NEB: variants seen among roughly 807,000 people sequenced by gnomAD.
NEB encodes the protein nebulin.
NEB carries 512 observed loss-of-function variants against 952.2 expected under a neutral mutation model. The observed-to-expected ratio is 0.54, with a 90% confidence interval of 0.50 to 0.58. The LOEUF (loss-of-function observed/expected upper bound fraction) is 0.58. Ranked by LOEUF, NEB falls within the 20% of genes least tolerant of loss-of-function variation. The probability of loss-of-function intolerance (pLI) is 0.00; values close to 1 mark genes in which losing one functional copy is unlikely to be tolerated. For synonymous variants in NEB, 2,900 were observed against 3,149.8 expected (o/e 0.92, Z 2.66); for missense variants, 8,428 against 9,231.1 (o/e 0.91, Z 3.56).
chr2:151,653,585 T>A (rs1258389945), intron 52 of NEB, among the ~76,000 whole-genome samples: 2 of 152,234 alleles, frequency 1.3e-5, no homozygotes, highest in Non-Finnish European at 2.9e-5. Flanking sequence ...CAGCCTATTT[T>A]AAAATATGTG....
intron 3 of NEB, among the ~76,000 whole-genome samples, chr2:151,731,314 T>C (rs1344971180): frequency 6.6e-6 from 1 of 152,216 alleles, no homozygotes; most frequent in Non-Finnish European, 1.5e-5. Flanking sequence ...ACTAATTAGA[T>C]AGTGCATCCT....
intron 164 of NEB, 135 bp from the exon 165 acceptor site, chr2:151,505,705 G>T: frequency 1.4e-6 from 1 of 711,500 alleles, no homozygotes. Context: ...TATACTTAGT[G>T]TGAATGGGAC....
At chr2:151,711,399 C>T (rs959399452) in intron 10 of NEB, among the ~76,000 whole-genome samples, 5 of 152,266 alleles carry the variant, frequency 3.3e-5, no homozygotes, top group African/African-American at 7.2e-5. Context: ...AAGGCACTGG[C>T]ATATGCCTAC....
chr2:151,505,850 G>GC (rs2068444320), intron 164 of NEB: 1 of 533,370 alleles, frequency 1.9e-6, no homozygotes, highest in Non-Finnish European at 3.3e-6. Flanking sequence ...ATGTCTTTAT[G>GC]CCCAGCAGGT....
intron 75 of NEB, among the ~76,000 whole-genome samples, chr2:151,616,731 G>GTCA (rs2098212869): frequency 6.6e-6 from 1 of 152,082 alleles, no homozygotes; most frequent in Admixed American, 6.6e-5. Context: ...ATTTATTATT[G>GTCA]TCATCATAAT....
In NEB at chr2:151,554,832, G is replaced by A. The variant is rs534407315; in HGVS notation, c.19428+99C>T. ...GGCTATCCCATCTAGGTATGTGGAAGTGCACTCTATGATGTTAGCACAACA... is the reference window on the plus strand; with the variant it reads ...GGCTATCCCATCTAGGTATGTGGAAATGCACTCTATGATGTTAGCACAACA... On this transcript the variant is annotated intron_variant, in intron 125 of 181. Transcript: ENST00000397345. 46 of 888,684 alleles carry A rather than the reference G, an allele frequency of 5.2e-5. 2 individuals are homozygous for A. Among genetic ancestry groups the A allele is most frequent in the South Asian group, 4.4e-4 (33 of 74,878 alleles). The allele number at this position is 888,684 out of a possible 1,614,324, so 55.0% of individuals were successfully genotyped here. A position where few individuals can be genotyped will look rare whatever the true frequency, so the allele number is the denominator to read the frequency against.
rs1278911357 is a variant in NEB at position 151,485,671 on chromosome 2, G to A, written c.*89C>T. ...GACACAGAAAAACCATAGGCAGCTTGAGAACTTAGGTAACAGTGGAGAGTC... is the reference window on the plus strand; with the variant it reads ...GACACAGAAAAACCATAGGCAGCTTAAGAACTTAGGTAACAGTGGAGAGTC... On this transcript the variant is annotated 3_prime_UTR_variant, in exon 182 of 182. Transcript: ENST00000397345. The A allele has an allele frequency of 1.5e-4, 192 of 1,280,622 alleles. 1 individual carries two copies. The highest frequency in any genetic ancestry group is 4.3e-6 in the Non-Finnish European group (4 of 938,542). 79.3% of individuals were successfully genotyped at this position (1,280,622 alleles called of 1,614,324 possible).
rs538780310 is a variant in NEB, at chr2:151,732,266, A to G, written c.36+855T>C. 5.9e-5 allele frequency among the ~76,000 whole-genome samples: 9 copies of G among 152,324 alleles called. No homozygotes were observed. The South Asian group carries it at 1.9e-3, about 32-fold the overall frequency. On this transcript the variant is annotated intron_variant, in intron 3 of 181. Transcript: ENST00000397345. ...GATTCATGGCACTGTATTTATGTGC[A>G]TTATAGTTCCAAGCCTTTAGATTTT...
rs2099785772 is a variant in NEB at position 151,724,912 on chromosome 2, T to A, written c.452A>T (p.Asp151Val). Reference sequence around the variant, plus strand: ...ATGTTCAATATCCTTTGCTTTTTCATCTACGTGACATATAGTCTTAGCAAC... The same window carrying A: ...ATGTTCAATATCCTTTGCTTTTTCAACTACGTGACATATAGTCTTAGCAAC... Reference protein sequence around the residue: ...GDVAKTICHVDEKAKDIEHAK... With the variant: ...GDVAKTICHVVEKAKDIEHAK... Residue 151 changes from aspartate (D) to valine (V), a missense_variant, in exon 7 of 182, where the codon GAT becomes GTT. Coordinates refer to ENST00000397345, the MANE Select transcript of NEB (RefSeq NM_001164508.2). 1.9e-6 allele frequency: 3 copies of A among 1,613,784 alleles called. No individual in the cohort carries two copies. The highest frequency in any genetic ancestry group is 1.1e-5 in the South Asian group (1 of 91,084).
intron 9 of NEB, among the ~76,000 whole-genome samples, chr2:151,721,317 C>T (rs2099773496): frequency 6.6e-6 from 1 of 152,106 alleles, no homozygotes; most frequent in Admixed American, 6.5e-5. Flanking sequence ...CGTTCCATGT[C>T]GAAGCAATTT....
rs1454465802 is a variant in NEB at position 151,518,420 on chromosome 2, G to A, written c.22698C>T (p.Tyr7566=). 1.9e-6 allele frequency: 3 copies of A among 1,589,528 alleles called. No individual in the cohort carries two copies. Among genetic ancestry groups the A allele is most frequent in the Non-Finnish European group, 1.7e-6 (2 of 1,159,664 alleles). The change falls in exon 156 of 182, where the codon TAC becomes TAT. Residue 7566 remains tyrosine (Y), a splice_region_variant and synonymous_variant. Transcript: ENST00000397345. ...VLNTSQLASS[Y]QYKKKYEKSK... ...TCTTCTCATACTTCTTCTTGTACTG[G>A]TACTGAGGGGAAGGCGGCAAAAAAG...
At chr2:151,624,322 A>C (rs964425293) in intron 71 of NEB, among the ~76,000 whole-genome samples, 6 of 152,132 alleles carry the variant, frequency 3.9e-5, no homozygotes, top group Non-Finnish European at 5.9e-5. Context: ...ATATCCTTGC[A>C]GCAGTCTGAA....
chr2:151,708,759 C>A (rs1412034765), intron 12 of NEB, among the ~76,000 whole-genome samples: 2 of 152,156 alleles, frequency 1.3e-5, no homozygotes, highest in Non-Finnish European at 2.9e-5. Flanking sequence ...GAGCTCTTGT[C>A]TGTCCTCCAA....
At chr2:151,643,046 C>T (rs1169730238) in intron 58 of NEB, 104 bp downstream of exon 58, 5 of 1,313,628 alleles carry the variant, frequency 3.8e-6, no homozygotes, top group Admixed American at 4.1e-5. Flanking sequence ...CACATTAGTA[C>T]CAAGCAAAGG....
chr2:151,574,584 C>G (rs1450609340), intron 107 of NEB, among the ~76,000 whole-genome samples: 2 of 152,138 alleles, frequency 1.3e-5, no homozygotes, highest in Non-Finnish European at 2.9e-5. Flanking sequence ...TTCTATGGCA[C>G]TATTAGGTCT....
chr2:151,527,591 T>C lies in NEB; in HGVS notation c.21736-6A>G. ...TACTGTTTCTTATAGTCCAGCTGTT[T>C]TTAACAGGAGAGAAAGGAATCACTT... On this transcript the variant is annotated splice_polypyrimidine_tract_variant and splice_region_variant and intron_variant, in intron 146 of 181. Transcript: ENST00000397345. 1 of 1,605,080 alleles carries C rather than the reference T, an allele frequency of 6.2e-7. No individual in the cohort carries two copies. The highest frequency in any genetic ancestry group is 8.5e-7 in the Non-Finnish European group (1 of 1,174,002).
chr2:151,704,565 C>T lies in NEB; in HGVS notation c.1152+2316G>A, dbSNP rs895725336. Among the ~76,000 whole-genome samples the T allele has an allele frequency of 3.0e-4, 46 of 151,610 alleles. 1 individual carries two copies. Among genetic ancestry groups the T allele is most frequent in the Non-Finnish European group, 4.7e-4 (32 of 68,006 alleles). The stretch of plus-strand genomic sequence containing the variant: ...AGGTGCAGGATATAATCTCGTGGTG[C>T]GCCGTTTTTTAAGCCGGTCAGAAAA... On this transcript the variant is annotated intron_variant, in intron 13 of 181. Transcript: ENST00000397345.
chr2:151,667,430 T>G (rs1041648981), intron 40 of NEB, among the ~76,000 whole-genome samples: 1 of 152,156 alleles, frequency 6.6e-6, no homozygotes, highest in Non-Finnish European at 1.5e-5. Context: ...AGTGAGGCAA[T>G]ATAAATAACG....
At chr2:151,718,564 C>G (rs760911471) in intron 9 of NEB, among the ~76,000 whole-genome samples, 6 of 152,148 alleles carry the variant, frequency 3.9e-5, no homozygotes, top group Non-Finnish European at 7.3e-5. Flanking sequence ...ACACACTTAT[C>G]TTCTCCATAT....
Sources: allele counts gnomAD v4.1 joint callset (sites outside exome capture counted in the v4.1 genomes callset), GRCh38; gene constraint gnomAD v4.1.1; transcripts MANE v1.5; gene names NCBI Gene and HGNC (gene_info 2026-07-23, HGNC 2026-07-21).